The following STAT4 variants were observed in gnomAD, a reference collection of about 807,000 sequenced individuals.
STAT4 encodes signal transducer and activator of transcription 4.
In STAT4, 42 loss-of-function variants were observed where a neutral mutation model predicts 110.5. The observed-to-expected ratio is 0.38, with a 90% CI of 0.30 to 0.49. The LOEUF is 0.49. STAT4 is among the 20% of genes least tolerant of loss of function. The pLI, the probability that STAT4 is intolerant of heterozygous loss-of-function variation, is 0.95. For missense variants in STAT4, 632 were observed against 887.9 expected, an observed-to-expected ratio of 0.71 and a Z score of 3.66; for synonymous variants, 284 against 302.2, an observed-to-expected ratio of 0.94 and a Z score of 0.63.
chr2:191,102,319 T>C (rs1256871608), intron 3 of STAT4, among the ~76,000 whole-genome samples: 1 of 152,196 alleles, frequency 6.6e-6, no homozygotes, highest in East Asian at 1.9e-4. Flanking sequence ...ATTTGTTTTA[T>C]TATTATTGTC....
intron 3 of STAT4, among the ~76,000 whole-genome samples, chr2:191,103,055 T>A (rs1257266720): frequency 6.6e-6 from 1 of 152,200 alleles, no homozygotes; most frequent in Non-Finnish European, 1.5e-5. Context: ...TCTTTTCACA[T>A]CATTCTTTAA....
intron 3 of STAT4, among the ~76,000 whole-genome samples, chr2:191,096,929 A>T (rs1281223229): frequency 6.6e-6 from 1 of 152,226 alleles, no homozygotes; most frequent in Non-Finnish European, 1.5e-5. Context: ...AAGTCTCAGG[A>T]TACAAAATCA....
Position 191,046,071 on chromosome 2 carries a change from C to T in STAT4, c.1252-4923G>A, listed in dbSNP as rs1441681196. 5.3e-5 allele frequency among the ~76,000 whole-genome samples: 8 copies of T among 152,140 alleles called. No homozygotes were observed. In the South Asian group the frequency reaches 6.2e-4, roughly 12 times the overall value. On this transcript the variant is annotated intron_variant, in intron 14 of 23. Coordinates refer to ENST00000392320, the MANE Select transcript of STAT4 (RefSeq NM_003151.4). This position sits in a 1 kb window ranked among gnomAD's most constrained non-coding sequence, Gnocchi z 4.6. ...GGGGATGCTTACACTATGCAAAACA[C>T]GAGACAACTGAAGAATCTACAACTT...
In STAT4 at chr2:191,038,273, C is replaced by T. The variant is rs115295646; in HGVS notation, c.1434+926G>A. Among the ~76,000 whole-genome samples the T allele has an allele frequency of 6.2e-3, 948 of 152,266 alleles. 13 individuals carry two copies. Among genetic ancestry groups the T allele is most frequent in the African/African-American group, 0.02 (844 of 41,550 alleles). On this transcript the variant is annotated intron_variant, in intron 16 of 23. Coordinates refer to ENST00000392320, the MANE Select transcript of STAT4 (RefSeq NM_003151.4). ...TTTTTGGGGCACCCTGCACAGTCTT[C>T]CTCTCTGCAATTAATTTGTCTCAGA...
At chr2:191,127,907 G>C (rs1243127503) in intron 3 of STAT4, among the ~76,000 whole-genome samples, 2 of 152,206 alleles carry the variant, frequency 1.3e-5, no homozygotes, top group Non-Finnish European at 2.9e-5. Context: ...TAAAGGCTTG[G>C]AGGGATATGC....
In STAT4 at chr2:191,116,258, C is replaced by T. The variant is rs1412349386; in HGVS notation, c.273+30355G>A. On this transcript the variant is annotated intron_variant, in intron 3 of 23. Coordinates refer to ENST00000392320, the MANE Select transcript of STAT4 (RefSeq NM_003151.4). This position sits in a 1 kb window ranked among gnomAD's most constrained non-coding sequence, Gnocchi z 4.1. The stretch of plus-strand genomic sequence containing the variant: ...GGTTTGATAATACAGTGCTTTTACA[C>T]CTATGATACGACACCACCTTCTCTG... Among the ~76,000 whole-genome samples the T allele has an allele frequency of 6.6e-6, 1 of 152,162 alleles. No individual in the cohort carries two copies. The highest frequency in any genetic ancestry group is 1.5e-5 in the Non-Finnish European group (1 of 68,036).
intron 3 of STAT4, among the ~76,000 whole-genome samples, chr2:191,134,610 A>G (rs1228359180): frequency 6.6e-6 from 1 of 152,036 alleles, no homozygotes; most frequent in Non-Finnish European, 1.5e-5. Context: ...AAGAAATTAC[A>G]CAGAGACTAC....
chr2:191,125,599 C>T (rs1698862000), intron 3 of STAT4, among the ~76,000 whole-genome samples: 1 of 151,588 alleles, frequency 6.6e-6, no homozygotes, highest in Admixed American at 6.6e-5. Context: ...GTTATCCTAC[C>T]ACCTCAGCCA....
At chr2:191,047,917 C>T (rs1262333535) in intron 14 of STAT4, among the ~76,000 whole-genome samples, 2 of 152,186 alleles carry the variant, frequency 1.3e-5, no homozygotes, top group Non-Finnish European at 1.5e-5. Flanking sequence ...CTGCCTGTCT[C>T]GGACTCCCAA....
rs1333895852 is a variant in STAT4, at chr2:191,143,993, T to C, written c.273+2620A>G. Among the ~76,000 whole-genome samples, 1 of 152,218 alleles carries C rather than the reference T, an allele frequency of 6.6e-6. No homozygotes were observed. Among genetic ancestry groups the C allele is most frequent in the Non-Finnish European group, 1.5e-5 (1 of 68,030 alleles). ...CTAGCTTCTGTGTTGTTAATACAAA[T>C]GCCCAGTAAGCACAATTTATAAATT... On this transcript the variant is annotated intron_variant, in intron 3 of 23. Transcript: ENST00000392320. The surrounding 1 kb of genome is among the most constrained non-coding windows in gnomAD (Gnocchi z 5.6).
In STAT4 at chr2:191,050,782, G is replaced by C. The variant is rs945999386; in HGVS notation, c.1251+3708C>G. ...TTGGCATCTCTGGGTTTTCTGGGAA[G>C]AAAATGGGTCTTGTGCAACTTCTTC... On this transcript the variant is annotated intron_variant, in intron 14 of 23. Coordinates refer to ENST00000392320, the MANE Select transcript of STAT4 (RefSeq NM_003151.4). The surrounding 1 kb of genome is among the most constrained non-coding windows in gnomAD (Gnocchi z 4.3). 2.0e-5 allele frequency among the ~76,000 whole-genome samples: 3 copies of C among 152,174 alleles called. No individual in the cohort carries two copies. The highest frequency in any genetic ancestry group is 7.2e-5 in the African/African-American group (3 of 41,458).
At chr2:191,128,083 G>A (rs1027443143) in intron 3 of STAT4, among the ~76,000 whole-genome samples, 2 of 86,874 alleles carry the variant, frequency 2.3e-5, no homozygotes, top group African/African-American at 4.0e-5. Context: ...TTCACATTTC[G>A]TCTTAAACAG....
At chr2:191,103,993 A>C (rs1698211558) in intron 3 of STAT4, among the ~76,000 whole-genome samples, 1 of 152,148 alleles carries the variant, frequency 6.6e-6, no homozygotes, top group Non-Finnish European at 1.5e-5. Flanking sequence ...ATGAGCAACC[A>C]AGGTTTGAGA....
rs1697810540 is a variant in STAT4 at position 191,091,991 on chromosome 2, A to T, written c.274-15666T>A. Among the ~76,000 whole-genome samples, 1 of 152,224 alleles carries T rather than the reference A, an allele frequency of 6.6e-6. No homozygotes were observed. Among genetic ancestry groups the T allele is most frequent in the Non-Finnish European group, 1.5e-5 (1 of 68,038 alleles). On this transcript the variant is annotated intron_variant, in intron 3 of 23. Transcript: ENST00000392320. The surrounding 1 kb of genome is among the most constrained non-coding windows in gnomAD (Gnocchi z 5.4). The stretch of plus-strand genomic sequence containing the variant: ...TAGAGAGTTGTGGAATAAAATATTA[A>T]ATAAGAAAATTAATGTATGAAAAGA...
chr2:191,064,178 T>C (rs1470673858), intron 8 of STAT4, among the ~76,000 whole-genome samples: 1 of 152,242 alleles, frequency 6.6e-6, no homozygotes, highest in Non-Finnish European at 1.5e-5. Context: ...ATATTTGTGG[T>C]ATACAACATG....
intron 14 of STAT4, among the ~76,000 whole-genome samples, chr2:191,047,063 AC>A (rs1234442553): frequency 1.3e-5 from 2 of 152,152 alleles, no homozygotes; most frequent in East Asian, 3.9e-4. Flanking sequence ...AAGGTGATCA[AC>A]TTTGTAATGA....
intron 3 of STAT4, among the ~76,000 whole-genome samples, chr2:191,119,055 G>A (rs1374247440): frequency 2.0e-5 from 3 of 152,130 alleles, no homozygotes; most frequent in Non-Finnish European, 2.9e-5. Flanking sequence ...TTTGAGCCAC[G>A]ATGCCCAGCC....
In STAT4 at chr2:191,109,022, C is replaced by T. The variant is rs893586702; in HGVS notation, c.274-32697G>A. ...CAAATTATTAGCTTTATTTACTTTC[C>T]TATTTATCAAAGGCACTTGCCAACT... On this transcript the variant is annotated intron_variant, in intron 3 of 23. Coordinates refer to ENST00000392320, the MANE Select transcript of STAT4 (RefSeq NM_003151.4). Among the ~76,000 whole-genome samples, 3 of 152,142 alleles carry T rather than the reference C, an allele frequency of 2.0e-5. No individual in the cohort carries two copies. In the South Asian group the frequency reaches 6.2e-4, roughly 31 times the overall value.
In STAT4 at chr2:191,139,654, A is replaced by G. The variant is rs182382611; in HGVS notation, c.273+6959T>C. Among the ~76,000 whole-genome samples, 7 of 152,348 alleles carry G rather than the reference A, an allele frequency of 4.6e-5. No individual in the cohort carries two copies. In the East Asian group the frequency reaches 9.6e-4, roughly 21 times the overall value. On this transcript the variant is annotated intron_variant, in intron 3 of 23. Transcript: ENST00000392320. ...TCATGCTCATGAATGGGAAGAATCA[A>G]TATTGTGAAAATGACCACTCTGCCC...
Sources: allele counts gnomAD v4.1 joint callset (sites outside exome capture counted in the v4.1 genomes callset), GRCh38; gene constraint gnomAD v4.1.1; non-coding constraint Gnocchi (gnomAD v3.1); transcripts MANE v1.5; gene names NCBI Gene and HGNC (gene_info 2026-07-23, HGNC 2026-07-21).